SEZ6L: variants seen among roughly 807,000 people sequenced by gnomAD.
SEZ6L encodes seizure related 6 homolog like.
A neutral mutation model predicts 106.2 loss-of-function variants in SEZ6L; 37 were observed. The ratio of observed to expected loss-of-function variants is 0.35; its 90% CI spans 0.27 to 0.46. The LOEUF (loss-of-function observed/expected upper bound fraction) is 0.46, where lower values mean the gene tolerates loss of function less well. Ranked by LOEUF, SEZ6L falls within the 20% of genes least tolerant of loss-of-function variation. The probability of loss-of-function intolerance (pLI) is 1.00; values close to 1 mark genes in which losing one functional copy is unlikely to be tolerated. For synonymous variants in SEZ6L, 541 were observed against 570.4 expected (o/e 0.95, Z 0.73); for missense variants, 1,172 against 1,332.8 (o/e 0.88, Z 1.88).
intron 12 of SEZ6L, among the ~76,000 whole-genome samples, chr22:26,360,636 C>T (rs1601611147): frequency 2.0e-5 from 3 of 152,136 alleles, no homozygotes; most frequent in Admixed American, 2.0e-4. Context: ...TTTGTGTTCT[C>T]TGAAGGGAGC....
chr22:26,268,656 A>T (rs1024633637), intron 1 of SEZ6L, among the ~76,000 whole-genome samples: 3 of 152,174 alleles, frequency 2.0e-5, no homozygotes, highest in African/African-American at 4.8e-5. Flanking sequence ...GACATTCGGG[A>T]TGTTTAATTA....
intron 12 of SEZ6L, among the ~76,000 whole-genome samples, chr22:26,357,901 G>A (rs1345055669): frequency 1.3e-5 from 2 of 152,160 alleles, no homozygotes; most frequent in Non-Finnish European, 2.9e-5. Flanking sequence ...GACAAATCCG[G>A]CAAGGGTTTT....
At position 26,254,854 on chromosome 22, in the gene SEZ6L, G is replaced by A. The variant is rs139031698; in HGVS notation, c.95-37552G>A. Among the ~76,000 whole-genome samples, 498 of 152,210 alleles carry A rather than the reference G, an allele frequency of 3.3e-3. 2 individuals are homozygous for A. The highest frequency in any genetic ancestry group is 0.011 in the African/African-American group (471 of 41,540). On this transcript the variant is annotated intron_variant, in intron 1 of 16. Coordinates refer to ENST00000248933, the MANE Select transcript of SEZ6L (RefSeq NM_021115.5). ...AAGATAGTGGACAGCTGCCAAGATCGTGGATAGAGGGATATCCTACACAGC... is the reference window on the plus strand; with the variant it reads ...AAGATAGTGGACAGCTGCCAAGATCATGGATAGAGGGATATCCTACACAGC...
chr22:26,357,869 C>A (rs1337534465), intron 12 of SEZ6L, among the ~76,000 whole-genome samples: 1 of 152,170 alleles, frequency 6.6e-6, no homozygotes, highest in Non-Finnish European at 1.5e-5. Flanking sequence ...ATAAACCACA[C>A]CACCAAAACT....
intron 1 of SEZ6L, among the ~76,000 whole-genome samples, chr22:26,172,644 A>G (rs1448718957): frequency 2.0e-5 from 3 of 152,200 alleles, no homozygotes; most frequent in African/African-American, 7.2e-5. Flanking sequence ...ACCTGTGAAC[A>G]ACCAGGTGTG....
chr22:26,239,524 C>G (rs2079050132), intron 1 of SEZ6L, among the ~76,000 whole-genome samples: 1 of 152,176 alleles, frequency 6.6e-6, no homozygotes, highest in South Asian at 2.1e-4. Flanking sequence ...GAAGGAGAAT[C>G]CACACCTAAA....
chr22:26,202,697 A>T (rs1941043536), intron 1 of SEZ6L, among the ~76,000 whole-genome samples: 1 of 152,174 alleles, frequency 6.6e-6, no homozygotes, highest in Non-Finnish European at 1.5e-5. Flanking sequence ...TTTAATGATG[A>T]TGTGGGTGGA....
intron 1 of SEZ6L, among the ~76,000 whole-genome samples, chr22:26,199,419 A>G (rs1940787343): frequency 6.6e-6 from 1 of 152,180 alleles, no homozygotes; most frequent in Admixed American, 6.5e-5. Flanking sequence ...ACTTGTATCT[A>G]TTCATCCGAG....
intron 1 of SEZ6L, among the ~76,000 whole-genome samples, chr22:26,289,663 G>A (rs1442824510): frequency 1.3e-5 from 2 of 152,312 alleles, no homozygotes; most frequent in Admixed American, 6.5e-5. Context: ...GGTAATCAAT[G>A]TTACACAACA....
chr22:26,192,394 G>T (rs1050412736), intron 1 of SEZ6L, among the ~76,000 whole-genome samples: 4 of 151,940 alleles, frequency 2.6e-5, no homozygotes, highest in African/African-American at 9.7e-5. Flanking sequence ...AAGTATTAAA[G>T]TTATGTTTTT....
chr22:26,310,429 G>A (rs575274943), intron 6 of SEZ6L, among the ~76,000 whole-genome samples: 4 of 152,278 alleles, frequency 2.6e-5, no homozygotes, highest in African/African-American at 7.2e-5. Flanking sequence ...TCAGCTACTC[G>A]GGAGGCTGAG....
At chr22:26,342,980 G>A (rs1189701742) in intron 10 of SEZ6L, among the ~76,000 whole-genome samples, 1 of 152,166 alleles carries the variant, frequency 6.6e-6, no homozygotes, top group Admixed American at 6.5e-5. Flanking sequence ...ACCTCTCAGA[G>A]AGGCTAACAC....
At chr22:26,300,287 G>A (rs1047385042) in intron 5 of SEZ6L, among the ~76,000 whole-genome samples, 1 of 152,074 alleles carries the variant, frequency 6.6e-6, no homozygotes, top group East Asian at 1.9e-4. Context: ...TATATCTCCT[G>A]ATGCTATCCC....
intron 1 of SEZ6L, among the ~76,000 whole-genome samples, chr22:26,282,632 G>T (rs2080808445): frequency 6.6e-6 from 1 of 152,202 alleles, no homozygotes; most frequent in Non-Finnish European, 1.5e-5. Context: ...CGTAGGCACA[G>T]CTTCAGGTAG....
chr22:26,232,498 C>G (rs1381467077), intron 1 of SEZ6L, among the ~76,000 whole-genome samples: 1 of 152,108 alleles, frequency 6.6e-6, no homozygotes, highest in Non-Finnish European at 1.5e-5. Flanking sequence ...TGCCGCATAA[C>G]AACATTTCAG....
At chr22:26,299,561 T>C (rs950598248) in intron 5 of SEZ6L, among the ~76,000 whole-genome samples, 5 of 152,260 alleles carry the variant, frequency 3.3e-5, no homozygotes, top group African/African-American at 1.2e-4. Flanking sequence ...GTAAATGGAA[T>C]CATATAATAT....
chr22:26,319,401 CTG>C (rs2082092554), intron 9 of SEZ6L, among the ~76,000 whole-genome samples: 1 of 152,326 alleles, frequency 6.6e-6, no homozygotes, highest in East Asian at 1.9e-4. Flanking sequence ...CAATAGCTCC[CTG>C]TTTTATTTGG....
chr22:26,175,439 T>C (rs1938914819), intron 1 of SEZ6L, among the ~76,000 whole-genome samples: 1 of 152,196 alleles, frequency 6.6e-6, no homozygotes, highest in South Asian at 2.1e-4. Context: ...CTTGGTGCCT[T>C]CCAAGCTGGG....
chr22:26,373,606 GC>G, intron 14 of SEZ6L, 123 bp downstream of exon 14: 2 of 758,008 alleles, frequency 2.6e-6, no homozygotes, highest in Non-Finnish European at 4.2e-6. Flanking sequence ...CCTTCAGACT[GC>G]CAAAGATAAT....
Sources: gnomAD v4.1 joint callset for allele counts (sites outside exome capture counted in the v4.1 genomes callset) on GRCh38, gnomAD v4.1.1 for gene constraint, MANE v1.5 for transcripts, NCBI Gene and HGNC (gene_info 2026-07-23, HGNC 2026-07-21) for gene names.